THADA: variants seen among roughly 807,000 people sequenced by gnomAD.
THADA encodes the protein THADA armadillo repeat containing.
In THADA, 213 loss-of-function variants were observed where a neutral mutation model predicts 219.8. The ratio of observed to expected loss-of-function variants is 0.97; its 90% confidence interval spans 0.87 to 1.09. The LOEUF is 1.09. Among genes scored for constraint, THADA ranks in the 50% least tolerant of loss-of-function variants. The pLI is 0.00. For missense variants in THADA, 2,956 were observed against 2,311.3 expected (o/e 1.28, Z -5.72); for synonymous variants, 1,018 against 828.9 (o/e 1.23, Z -3.92).
At chr2:43,548,256 G>A (rs1274450701) in intron 20 of THADA, among the ~76,000 whole-genome samples, 2 of 152,212 alleles carry the variant, frequency 1.3e-5, no homozygotes, top group African/African-American at 4.8e-5. Flanking sequence ...CCGGCCATGT[G>A]AGGTGTCAGT....
chr2:43,325,449 T>TA (rs899126217), intron 30 of THADA, among the ~76,000 whole-genome samples: 3 of 152,060 alleles, frequency 2.0e-5, no homozygotes, highest in African/African-American at 7.3e-5. Context: ...TCAAGGAACT[T>TA]AGAGTCCTGA....
At chr2:43,250,956 G>A (rs1411237007) in intron 36 of THADA, among the ~76,000 whole-genome samples, 2 of 152,098 alleles carry the variant, frequency 1.3e-5, no homozygotes, top group Non-Finnish European at 2.9e-5. Context: ...GTGAGGGGTG[G>A]ACAGACGAAG....
At chr2:43,380,275 A>G (rs1671841166) in intron 29 of THADA, among the ~76,000 whole-genome samples, 1 of 152,264 alleles carries the variant, frequency 6.6e-6, no homozygotes, top group Non-Finnish European at 1.5e-5. Context: ...TGTTCTGACT[A>G]GAAACCGTAA....
At chr2:43,321,318 G>T (rs1678687964) in intron 30 of THADA, among the ~76,000 whole-genome samples, 1 of 152,172 alleles carries the variant, frequency 6.6e-6, no homozygotes, top group South Asian at 2.1e-4. Flanking sequence ...ATTGAGTCCT[G>T]GCTTTCCCAC....
intron 26 of THADA, among the ~76,000 whole-genome samples, chr2:43,454,132 C>A (rs1266038553): frequency 6.6e-6 from 1 of 152,144 alleles, no homozygotes; most frequent in South Asian, 2.1e-4. Context: ...GGCCTGCCAA[C>A]TTTTTTCTTT....
chr2:43,371,877 A>G (rs1183803636), intron 29 of THADA: 3 of 152,076 alleles, frequency 2.0e-5, no homozygotes, highest in African/African-American at 7.2e-5. Context: ...TTTAGCAGCT[A>G]GGTTTATGTG....
At chr2:43,389,557 G>A (rs1030495472) in intron 29 of THADA, among the ~76,000 whole-genome samples, 1 of 152,106 alleles carries the variant, frequency 6.6e-6, no homozygotes, top group Non-Finnish European at 1.5e-5. Context: ...CACTTTGAAG[G>A]CTACAGGCCT....
chr2:43,593,090 T>C (rs1701754371), intron 1 of THADA, among the ~76,000 whole-genome samples: 1 of 152,336 alleles, frequency 6.6e-6, no homozygotes. Flanking sequence ...GCAGTTAGCA[T>C]CTTTAGCAGT....
chr2:43,583,306 C>A (rs1250634925), intron 7 of THADA, among the ~76,000 whole-genome samples: 1 of 152,230 alleles, frequency 6.6e-6, no homozygotes, highest in African/African-American at 2.4e-5. Flanking sequence ...TAAGAAAATC[C>A]TGTTGGTTCT....
chr2:43,352,671 G>C (rs538750649), intron 29 of THADA, among the ~76,000 whole-genome samples: 1 of 151,950 alleles, frequency 6.6e-6, no homozygotes, highest in Non-Finnish European at 1.5e-5. Context: ...TATGAGGAGA[G>C]GGAGAGGGGG....
At chr2:43,552,731 T>C (rs1307235299) in intron 17 of THADA, among the ~76,000 whole-genome samples, 1 of 152,090 alleles carries the variant, frequency 6.6e-6, no homozygotes, top group African/African-American at 2.4e-5. Context: ...AAGTATACAA[T>C]AGTTTTTATT....
chr2:43,511,263 C>A (rs758104403), intron 22 of THADA, among the ~76,000 whole-genome samples: 4 of 152,136 alleles, frequency 2.6e-5, no homozygotes, highest in Non-Finnish European at 4.4e-5. Context: ...TTCCTATTTC[C>A]TTAATTTCCT....
intron 36 of THADA, among the ~76,000 whole-genome samples, chr2:43,258,905 A>G (rs1670637256): frequency 6.6e-6 from 1 of 152,326 alleles, no homozygotes; most frequent in South Asian, 2.1e-4. Flanking sequence ...GACTAAAAAC[A>G]GTAACTCTAC....
intron 29 of THADA, among the ~76,000 whole-genome samples, chr2:43,395,757 T>G (rs889304973): frequency 6.6e-6 from 1 of 152,206 alleles, no homozygotes; most frequent in African/African-American, 2.4e-5. Flanking sequence ...TCAAGTTTAC[T>G]TTTTTCTTTT....
chr2:43,303,802 C>T (rs1286799704), intron 31 of THADA, among the ~76,000 whole-genome samples: 1 of 152,092 alleles, frequency 6.6e-6, no homozygotes, highest in Non-Finnish European at 1.5e-5. Flanking sequence ...TGGTCAATGT[C>T]CCATGTAGGG....
At chr2:43,323,999 C>T (rs1190022716) in intron 30 of THADA, among the ~76,000 whole-genome samples, 1 of 152,176 alleles carries the variant, frequency 6.6e-6, no homozygotes, top group Non-Finnish European at 1.5e-5. Context: ...ATACTTCATG[C>T]TAACTGGGTG....
At chr2:43,439,478 T>C (rs546763379) in intron 26 of THADA, among the ~76,000 whole-genome samples, 20 of 152,340 alleles carry the variant, frequency 1.3e-4, no homozygotes, top group Admixed American at 3.9e-4. Flanking sequence ...CCATGTTGTA[T>C]ATGCCACCAG....
chr2:43,317,926 A>G (rs947819257), intron 31 of THADA, among the ~76,000 whole-genome samples: 2 of 152,210 alleles, frequency 1.3e-5, no homozygotes, highest in Non-Finnish European at 2.9e-5. Context: ...CTTTTGGGTT[A>G]TGATGTCATT....
At chr2:43,282,355 A>G (rs182978599) in intron 35 of THADA, among the ~76,000 whole-genome samples, 4 of 152,352 alleles carry the variant, frequency 2.6e-5, no homozygotes, top group Admixed American at 1.3e-4. Flanking sequence ...AGTTAAAACC[A>G]TATTGAAGAA....
Sources: allele counts gnomAD v4.1 joint callset (sites outside exome capture counted in the v4.1 genomes callset), GRCh38; gene constraint gnomAD v4.1.1; transcripts MANE v1.5; gene names NCBI Gene and HGNC (gene_info 2026-07-23, HGNC 2026-07-21).